HMCN2: variants seen among roughly 807,000 people sequenced by gnomAD.
The protein encoded by HMCN2 is hemicentin-2.
In HMCN2, 325 loss-of-function variants were observed where a neutral mutation model predicts 377.5. That is an observed-to-expected ratio of 0.86 (90% CI 0.79 to 0.94). HMCN2 has a LOEUF of 0.94. Ranked by LOEUF, HMCN2 falls within the 40% of genes least tolerant of loss-of-function variation. HMCN2 has a pLI of 0.00. For missense variants in HMCN2, 4,543 were observed against 4,725.3 expected, an observed-to-expected ratio of 0.96 and a Z score of 1.13; for synonymous variants, 2,007 against 2,046.8, an observed-to-expected ratio of 0.98 and a Z score of 0.53.
intron 12 of HMCN2, 59 bp downstream of exon 12, chr9:130,306,329 G>A (rs782242215): frequency 2.2e-6 from 1 of 462,960 alleles, no homozygotes; most frequent in South Asian, 1.6e-5. Flanking sequence ...GACTCCCAGG[G>A]GACCTCTCTG....
intron 4 of HMCN2, among the ~76,000 whole-genome samples, chr9:130,294,260 A>G (rs2131309892): frequency 6.6e-6 from 1 of 152,322 alleles, no homozygotes; most frequent in Non-Finnish European, 1.5e-5. Flanking sequence ...TCTCAGTGGC[A>G]CTTGTCCAAA....
intron 15 of HMCN2, among the ~76,000 whole-genome samples, chr9:130,311,377 G>A (rs1427530695): frequency 6.6e-6 from 1 of 152,148 alleles, no homozygotes; most frequent in African/African-American, 2.4e-5. Flanking sequence ...TCAGGCTTGG[G>A]GTGCTCTTAG....
intron 22 of HMCN2, among the ~76,000 whole-genome samples, chr9:130,329,439 C>CT (rs869081836): frequency 0.33 from 35,112 of 105,738 alleles, 7,444 homozygotes; most frequent in Non-Finnish European, 0.45. Context: ...AATAGCCTCA[C>CT]TTTTTTTTTT....
intron 43 of HMCN2, among the ~76,000 whole-genome samples, chr9:130,367,854 A>T (rs919409908): frequency 6.6e-6 from 1 of 150,438 alleles, no homozygotes; most frequent in African/African-American, 2.4e-5. Flanking sequence ...AGGCATGAGA[A>T]TCACCTGAAC....
At chr9:130,310,700 G>A (rs1037500693) in intron 15 of HMCN2, among the ~76,000 whole-genome samples, 1 of 152,180 alleles carries the variant, frequency 6.6e-6, no homozygotes, top group African/African-American at 2.4e-5. Flanking sequence ...ACCCATGGGT[G>A]TGAACACGAG....
At position 130,430,573 on chromosome 9, in the gene HMCN2, T is replaced by A; in HGVS notation, c.14616T>A (p.Pro4872=). The change falls in exon 95 of 98, where the codon CCT becomes CCA. Residue 4872 remains proline, a synonymous_variant. Transcript: ENST00000683500. ...GTGTGGGCCGGGCCTGGTGCCCTCC[T>A]GGTTTCATCAGGCAGAACGGAGTCT... The part of the protein sequence containing the change: ...LSSVGRAWCP[P]GFIRQNGVCT... The A allele has an allele frequency of 6.5e-7, 1 of 1,550,300 alleles. No individual in the cohort carries two copies. The highest frequency in any genetic ancestry group is 8.7e-7 in the Non-Finnish European group (1 of 1,146,828).
chr9:130,307,634 G>A (rs564634752), intron 14 of HMCN2, 68 bp downstream of exon 14: 41 of 469,116 alleles, frequency 8.7e-5, no homozygotes, highest in South Asian at 6.2e-4. Context: ...GGGAGGTGGG[G>A]GTGTCCTGAA....
chr9:130,275,537 C>A (rs1187362935), intron 1 of HMCN2, among the ~76,000 whole-genome samples: 3 of 152,178 alleles, frequency 2.0e-5, no homozygotes, highest in Admixed American at 1.3e-4. Context: ...GCAACCCCTG[C>A]TTCCTGGGTT....
chr9:130,397,973 C>T (rs1331070145), intron 74 of HMCN2, among the ~76,000 whole-genome samples: 2 of 145,698 alleles, frequency 1.4e-5, no homozygotes, highest in Non-Finnish European at 3.0e-5. Context: ...CATAGTGAGA[C>T]CCCATCTCTA....
At chr9:130,427,444 C>G in intron 91 of HMCN2, 53 bp from the exon 92 acceptor site, 1 of 1,550,432 alleles carries the variant, frequency 6.4e-7, no homozygotes. Flanking sequence ...TTCTCCCAGC[C>G]AGCTGGCAGG....
chr9:130,293,824 C>G (rs1261995462), intron 4 of HMCN2, among the ~76,000 whole-genome samples: 2 of 152,258 alleles, frequency 1.3e-5, no homozygotes, highest in East Asian at 3.9e-4. Context: ...ATGTGAATGA[C>G]TGGAGTGCAG....
chr9:130,349,411 G>A (rs963235937), intron 28 of HMCN2, 126 bp from the exon 29 acceptor site: 58 of 1,118,984 alleles, frequency 5.2e-5, no homozygotes, highest in Non-Finnish European at 6.4e-5. Flanking sequence ...GTTTTGGGGG[G>A]CTTCCCAGGA....
intron 29 of HMCN2, among the ~76,000 whole-genome samples, chr9:130,350,429 C>T (rs947964160): frequency 4.1e-5 from 6 of 144,772 alleles, no homozygotes; most frequent in African/African-American, 1.3e-4. Context: ...TGGTGGCAGG[C>T]GCCTGTAATC....
At chr9:130,275,138 T>C (rs950886321) in intron 1 of HMCN2, among the ~76,000 whole-genome samples, 32 of 142,656 alleles carry the variant, frequency 2.2e-4, no homozygotes, top group African/African-American at 7.7e-4. Flanking sequence ...CATTTTTTCC[T>C]TGTTTTTTTG....
intron 86 of HMCN2, among the ~76,000 whole-genome samples, chr9:130,421,948 T>C (rs967536072): frequency 3.3e-5 from 5 of 152,258 alleles, no homozygotes; most frequent in Non-Finnish European, 7.3e-5. Flanking sequence ...TGGAATGCCA[T>C]CTGCCTAAAC....
chr9:130,348,862 G>T, intron 27 of HMCN2, 122 bp from the exon 28 acceptor site: 1 of 1,203,644 alleles, frequency 8.3e-7, no homozygotes. Context: ...GGGCTGCGTG[G>T]CAGAGAGCAT....
intron 87 of HMCN2, among the ~76,000 whole-genome samples, chr9:130,424,037 G>A (rs1023772263): frequency 5.9e-5 from 9 of 151,270 alleles, no homozygotes; most frequent in Non-Finnish European, 1.2e-4. Flanking sequence ...TGGAGTGCAA[G>A]TGGTGCAGTC....
intron 76 of HMCN2, 33 bp downstream of exon 76, chr9:130,399,665 G>T (rs1160470916): frequency 7.9e-7 from 1 of 1,261,346 alleles, no homozygotes; most frequent in South Asian, 1.3e-5. Flanking sequence ...GGGGACACCT[G>T]GGGTGGGGGC....
intron 25 of HMCN2, among the ~76,000 whole-genome samples, chr9:130,346,172 G>A (rs995889557): frequency 4.6e-5 from 7 of 152,108 alleles, no homozygotes; most frequent in East Asian, 1.9e-4. Context: ...GGAGGTCAGG[G>A]GGCAGGTGAG....
Sources: allele counts gnomAD v4.1 joint callset (sites outside exome capture counted in the v4.1 genomes callset), GRCh38; gene constraint gnomAD v4.1.1; transcripts MANE v1.5; gene names NCBI Gene and HGNC (gene_info 2026-07-23, HGNC 2026-07-21).